Variants in RANBP2 observed in about 807,000 individuals in gnomAD.
The protein encoded by RANBP2 is E3 SUMO-protein ligase RanBP2.
RANBP2 carries 57 observed loss-of-function variants against 303.6 expected under a neutral mutation model. That is an observed-to-expected ratio of 0.19 (90% confidence interval 0.15 to 0.23). The LOEUF is 0.23. Ranked by LOEUF, RANBP2 falls within the 10% of genes least tolerant of loss-of-function variation. RANBP2 has a pLI of 1.00. For missense variants in RANBP2, 3,138 were observed against 3,780.8 expected (o/e 0.83, Z 4.46); for synonymous variants, 1,167 against 1,301.5 (o/e 0.90, Z 2.23).
At chr2:108,781,248 A>G (rs1678237727) in intron 25 of RANBP2, 21 bp from the exon 26 acceptor site, 3 of 1,613,524 alleles carry the variant, frequency 1.9e-6, no homozygotes, top group Non-Finnish European at 2.5e-6. Flanking sequence ...TAGTGTTTAA[A>G]TATCCTGATT....
chr2:109,191,007 G>A, the RANBP2 span, among the ~76,000 whole-genome samples: 2 of 151,810 alleles, frequency 1.3e-5, no homozygotes, highest in Non-Finnish European at 2.9e-5. Flanking sequence ...CATTGTTTCT[G>A]TAAAGGGCCA....
the RANBP2 span, among the ~76,000 whole-genome samples, chr2:108,796,814 G>A: frequency 5.0e-4 from 76 of 152,256 alleles, no homozygotes; most frequent in African/African-American, 1.8e-3. Flanking sequence ...GTTACCAGAG[G>A]CTGGGAGGGG....
At chr2:108,761,987 G>A (rs1172262908) in intron 18 of RANBP2, 114 bp from the exon 19 acceptor site, 2 of 1,409,326 alleles carry the variant, frequency 1.4e-6, no homozygotes, top group African/African-American at 1.4e-5. Context: ...AATTTATGTA[G>A]TTAAATCTTT....
At chr2:109,036,735 C>T in the RANBP2 span, among the ~76,000 whole-genome samples, 1 of 152,112 alleles carries the variant, frequency 6.6e-6, no homozygotes, top group Non-Finnish European at 1.5e-5. Flanking sequence ...AGGCTGGGCA[C>T]AGTAGCTCAT....
At chr2:109,000,088 G>A in the RANBP2 span, among the ~76,000 whole-genome samples, 1 of 152,258 alleles carries the variant, frequency 6.6e-6, no homozygotes, top group African/African-American at 2.4e-5. Flanking sequence ...CGTATCTGCA[G>A]GGCAAGCACC....
chr2:108,918,108 C>T, the RANBP2 span, among the ~76,000 whole-genome samples: 7 of 152,304 alleles, frequency 4.6e-5, no homozygotes, highest in African/African-American at 9.6e-5. Flanking sequence ...GAAAAGAGAG[C>T]GGTCTGGGCT....
chr2:109,168,415 TGCTA>T, the RANBP2 span, among the ~76,000 whole-genome samples: 2 of 152,218 alleles, frequency 1.3e-5, no homozygotes, highest in African/African-American at 4.8e-5. Context: ...GCCTTGCTAA[TGCTA>T]GCTAGATTCC....
the RANBP2 span, among the ~76,000 whole-genome samples, chr2:109,687,493 T>A: frequency 3.9e-5 from 6 of 152,136 alleles, no homozygotes; most frequent in Non-Finnish European, 8.8e-5. Flanking sequence ...TGAATTCATA[T>A]CCACACCTGT....
chr2:109,483,465 T>A, the RANBP2 span, among the ~76,000 whole-genome samples: 1 of 152,152 alleles, frequency 6.6e-6, no homozygotes, highest in Non-Finnish European at 1.5e-5. Flanking sequence ...GAGCCAGGCC[T>A]CCCCGCAAGA....
chr2:109,390,353 T>G, the RANBP2 span, among the ~76,000 whole-genome samples: 3 of 152,202 alleles, frequency 2.0e-5, no homozygotes, highest in Non-Finnish European at 4.4e-5. Context: ...AGGACACCCC[T>G]GCTGAGGGGC....
At chr2:109,700,978 T>C in the RANBP2 span, among the ~76,000 whole-genome samples, 1 of 151,998 alleles carries the variant, frequency 6.6e-6, no homozygotes, top group Non-Finnish European at 1.5e-5. Flanking sequence ...CTTTAGAAAC[T>C]ACAAAGGAGG....
At chr2:109,484,067 CTT>C in the RANBP2 span, among the ~76,000 whole-genome samples, 882 of 94,308 alleles carry the variant, frequency 9.4e-3, 4 homozygotes, top group Non-Finnish European at 0.012. Context: ...TCTGGCCTTT[CTT>C]TTTTTTTTTT....
At chr2:109,630,243 G>A in the RANBP2 span, among the ~76,000 whole-genome samples, 1 of 151,950 alleles carries the variant, frequency 6.6e-6, no homozygotes. Context: ...CCCTCCCTGG[G>A]GCAGCCAATT....
the RANBP2 span, among the ~76,000 whole-genome samples, chr2:109,725,795 T>C: frequency 6.6e-6 from 1 of 152,022 alleles, no homozygotes; most frequent in Non-Finnish European, 1.5e-5. Flanking sequence ...TGCAGTGGTG[T>C]GATCTTGGCT....
At chr2:109,575,805 T>C in the RANBP2 span, among the ~76,000 whole-genome samples, 1 of 152,232 alleles carries the variant, frequency 6.6e-6, no homozygotes. Flanking sequence ...ACTTAATAAA[T>C]GTGTACAAAA....
At chr2:108,942,794 G>A in the RANBP2 span, among the ~76,000 whole-genome samples, 2 of 152,256 alleles carry the variant, frequency 1.3e-5, no homozygotes, top group Admixed American at 1.3e-4. Flanking sequence ...AACTTCAGGA[G>A]GAGGCGCGCT....
At chr2:109,615,134 G>C in the RANBP2 span, 2 of 1,549,618 alleles carry the variant, frequency 1.3e-6, no homozygotes. Flanking sequence ...GCTCCCCGCA[G>C]CTGAAGAGGA....
chr2:109,591,825 G>C, the RANBP2 span, among the ~76,000 whole-genome samples: 4 of 152,068 alleles, frequency 2.6e-5, no homozygotes, highest in African/African-American at 9.7e-5. Context: ...TTGAACCTGG[G>C]AGGTGTAGGT....
intron 24 of RANBP2, 44 bp downstream of exon 24, chr2:108,775,980 C>G (rs767087934): frequency 1.2e-5 from 18 of 1,517,508 alleles, no homozygotes; most frequent in Non-Finnish European, 1.3e-5. Flanking sequence ...TAAGGGACAC[C>G]TTATATTTGA....
Sources: allele counts gnomAD v4.1 joint callset (sites outside exome capture counted in the v4.1 genomes callset), GRCh38; gene constraint gnomAD v4.1.1; transcripts MANE v1.5; gene names NCBI Gene and HGNC (gene_info 2026-07-23, HGNC 2026-07-21).